Variants in LIN7A observed in about 807,000 individuals in gnomAD.
The protein encoded by LIN7A is protein lin-7 homolog A.
LIN7A carries 25 observed loss-of-function variants against 29.8 expected under a neutral mutation model. That is an observed-to-expected ratio of 0.84 (90% CI 0.61 to 1.17). LIN7A has a LOEUF of 1.17. Ranked by LOEUF, LIN7A falls within the 50% of genes most tolerant of loss-of-function variation. The pLI is 0.00. For missense variants in LIN7A, 239 were observed against 287.0 expected, an observed-to-expected ratio of 0.83 and a Z score of 1.21; for synonymous variants, 118 against 107.5, an observed-to-expected ratio of 1.10 and a Z score of -0.60.
chr12:80,892,518 T>TG (rs1437875165), intron 1 of LIN7A, among the ~76,000 whole-genome samples: 1 of 152,078 alleles, frequency 6.6e-6, no homozygotes, highest in Non-Finnish European at 1.5e-5. Context: ...CCAGCAAAAT[T>TG]GAAAATGATA....
intron 5 of LIN7A, among the ~76,000 whole-genome samples, chr12:80,808,600 G>A (rs1344647345): frequency 6.6e-6 from 1 of 150,960 alleles, no homozygotes; most frequent in Non-Finnish European, 1.5e-5. Context: ...CCACCTCCCA[G>A]GTTCACGCCA....
chr12:80,924,205 A>C (rs1433743743), intron 1 of LIN7A, among the ~76,000 whole-genome samples: 3 of 152,228 alleles, frequency 2.0e-5, no homozygotes, highest in African/African-American at 7.2e-5. Context: ...GAATAATCAA[A>C]GGAATGTGTC....
chr12:80,835,886 T>C (rs1872570760), intron 4 of LIN7A, among the ~76,000 whole-genome samples: 1 of 152,056 alleles, frequency 6.6e-6, no homozygotes, highest in Admixed American at 6.6e-5. Context: ...TTTCATTAAA[T>C]ATGATGACAG....
intron 2 of LIN7A, among the ~76,000 whole-genome samples, chr12:80,884,264 C>T (rs555730964): frequency 2.2e-4 from 34 of 152,194 alleles, no homozygotes; most frequent in African/African-American, 7.0e-4. Context: ...TGCTTATAAC[C>T]TTTTGCCAAA....
chr12:80,816,994 C>T (rs986525671), intron 4 of LIN7A, among the ~76,000 whole-genome samples: 1 of 152,204 alleles, frequency 6.6e-6, no homozygotes, highest in Non-Finnish European at 1.5e-5. Flanking sequence ...TCTCGAACTC[C>T]TGGGCTCAAG....
chr12:80,937,751 G>A lies in LIN7A; in HGVS notation c.-29C>T. The A allele has an allele frequency of 3.9e-6, 5 of 1,288,816 alleles. No homozygotes were observed. The African/African-American group carries it at 4.6e-5, about 12-fold the overall frequency. 79.8% of individuals were successfully genotyped at this position (1,288,816 alleles called of 1,614,324 possible). Reference sequence around the variant, plus strand: ...CAACCGCTCGTAGTGAGAAAAAAAGGAGGAGATTGGGGGCGGGGGTGGAGA... The same window carrying A: ...CAACCGCTCGTAGTGAGAAAAAAAGAAGGAGATTGGGGGCGGGGGTGGAGA... On this transcript the variant is annotated 5_prime_UTR_variant, in exon 1 of 6. Transcript: ENST00000552864.
chr12:80,840,017 TC>T (rs1013285110), intron 4 of LIN7A, among the ~76,000 whole-genome samples: 2 of 152,218 alleles, frequency 1.3e-5, no homozygotes, highest in Non-Finnish European at 2.9e-5. Flanking sequence ...GGGCTTCTTT[TC>T]AGTATGCCAT....
chr12:80,898,116 A>G (rs1251676873), intron 1 of LIN7A, among the ~76,000 whole-genome samples: 1 of 152,160 alleles, frequency 6.6e-6, no homozygotes, highest in East Asian at 1.9e-4. Flanking sequence ...GTTTATATCT[A>G]AGTATTTAGT....
intron 1 of LIN7A, among the ~76,000 whole-genome samples, chr12:80,926,717 C>A (rs1392615288): frequency 6.6e-6 from 1 of 151,972 alleles, no homozygotes; most frequent in Non-Finnish European, 1.5e-5. Flanking sequence ...ATCATGAGGT[C>A]AGGAGATCAA....
chr12:80,877,501 A>T (rs1316773879), intron 2 of LIN7A, among the ~76,000 whole-genome samples: 1 of 152,128 alleles, frequency 6.6e-6, no homozygotes, highest in African/African-American at 2.4e-5. Flanking sequence ...ATTTTAGGAA[A>T]AAATACTGCA....
At chr12:80,924,082 G>A (rs902312289) in intron 1 of LIN7A, among the ~76,000 whole-genome samples, 1 of 152,128 alleles carries the variant, frequency 6.6e-6, no homozygotes, top group African/African-American at 2.4e-5. Flanking sequence ...TAAATTATCT[G>A]CATAATAACT....
At chr12:80,918,293 C>A (rs1190840955) in intron 1 of LIN7A, among the ~76,000 whole-genome samples, 1 of 151,944 alleles carries the variant, frequency 6.6e-6, no homozygotes, top group Non-Finnish European at 1.5e-5. Flanking sequence ...GCGATCCTAC[C>A]CATGTTGGCC....
chr12:80,918,270 C>T (rs539774668), intron 1 of LIN7A, among the ~76,000 whole-genome samples: 1 of 152,008 alleles, frequency 6.6e-6, no homozygotes, highest in East Asian at 1.9e-4. Context: ...TGGTCTCAAA[C>T]TCCTGAGCTC....
chr12:80,810,612 A>T (rs76040460), intron 5 of LIN7A, among the ~76,000 whole-genome samples: 15,156 of 152,222 alleles, frequency 0.1, 815 homozygotes, highest in East Asian at 0.18. Flanking sequence ...TCTCCCCAGA[A>T]GCAGAATTGC....
chr12:80,840,226 CT>C (rs1486684275), intron 4 of LIN7A, among the ~76,000 whole-genome samples: 8 of 152,176 alleles, frequency 5.3e-5, no homozygotes, highest in Non-Finnish European at 1.0e-4. Context: ...CTTTACCCAG[CT>C]TTCCCCAATA....
At chr12:80,820,309 T>C (rs1871736921) in intron 4 of LIN7A, among the ~76,000 whole-genome samples, 2 of 152,184 alleles carry the variant, frequency 1.3e-5, no homozygotes, top group African/African-American at 2.4e-5. Flanking sequence ...TACATATTCT[T>C]ATCCTGTGAG....
chr12:80,857,492 G>A (rs1565903899), intron 2 of LIN7A, among the ~76,000 whole-genome samples: 2 of 152,184 alleles, frequency 1.3e-5, no homozygotes, highest in South Asian at 4.1e-4. Flanking sequence ...GAAACCTCAT[G>A]TCTACTTCTT....
At chr12:80,878,559 G>C (rs1416143937) in intron 2 of LIN7A, among the ~76,000 whole-genome samples, 1 of 152,178 alleles carries the variant, frequency 6.6e-6, no homozygotes, top group Non-Finnish European at 1.5e-5. Context: ...GCAGCAGCAA[G>C]ATTTATTCTG....
At chr12:80,930,750 G>C (rs960987688) in intron 1 of LIN7A, among the ~76,000 whole-genome samples, 4 of 152,208 alleles carry the variant, frequency 2.6e-5, no homozygotes, top group Non-Finnish European at 4.4e-5. Flanking sequence ...GTAGGAGCCA[G>C]CTACATACAC....
Sources: gnomAD v4.1 joint callset for allele counts (sites outside exome capture counted in the v4.1 genomes callset) on GRCh38, gnomAD v4.1.1 for gene constraint, MANE v1.5 for transcripts, NCBI Gene and HGNC (gene_info 2026-07-23, HGNC 2026-07-21) for gene names.